CTNNA3: variants seen among roughly 807,000 people sequenced by gnomAD.
The protein encoded by CTNNA3 is catenin alpha-3.
CTNNA3 carries 76 observed loss-of-function variants against 95.7 expected under a neutral mutation model. That is an observed-to-expected ratio of 0.79 (90% CI 0.66 to 0.96). The LOEUF is 0.96. Ranked by LOEUF, CTNNA3 falls within the 40% of genes least tolerant of loss-of-function variation. CTNNA3 has a pLI of 0.00. For missense variants in CTNNA3, 1,191 were observed against 1,089.8 expected (o/e 1.09, Z -1.31); for synonymous variants, 431 against 374.4 (o/e 1.15, Z -1.74).
At chr10:67,536,807 A>AC (rs749489041) in intron 4 of CTNNA3, among the ~76,000 whole-genome samples, 6 of 151,992 alleles carry the variant, frequency 3.9e-5, no homozygotes, top group Non-Finnish European at 8.8e-5. Context: ...AAAAGAAACA[A>AC]CTTTTTTCCT....
chr10:66,377,219 C>G (rs79357282), intron 12 of CTNNA3, among the ~76,000 whole-genome samples: 1 of 151,924 alleles, frequency 6.6e-6, no homozygotes, highest in Non-Finnish European at 1.5e-5. Context: ...TATACCGTTA[C>G]GCTAATAATA....
At chr10:66,763,341 C>CAG (rs1554848276) in intron 9 of CTNNA3, among the ~76,000 whole-genome samples, 37 of 139,210 alleles carry the variant, frequency 2.7e-4, no homozygotes, top group African/African-American at 8.6e-4. Context: ...CACACACACA[C>CAG]AGAGAGAGAG....
chr10:66,164,018 A>G (rs985245988), intron 13 of CTNNA3, among the ~76,000 whole-genome samples: 3 of 152,216 alleles, frequency 2.0e-5, no homozygotes, highest in African/African-American at 7.2e-5. Flanking sequence ...GAGAAAGCAT[A>G]AAAATTATTT....
At chr10:66,807,544 T>C (rs1014335413) in intron 7 of CTNNA3, among the ~76,000 whole-genome samples, 1 of 152,080 alleles carries the variant, frequency 6.6e-6, no homozygotes, top group Admixed American at 6.6e-5. Flanking sequence ...TCCTCCTTGA[T>C]TGTGGTCATT....
intron 1 of CTNNA3, among the ~76,000 whole-genome samples, chr10:67,726,204 ATATAT>A (rs1267038595): frequency 5.1e-5 from 5 of 98,396 alleles, no homozygotes; most frequent in African/African-American, 1.7e-4. Context: ...ATAATATATC[ATATAT>A]TATACATAAT....
intron 12 of CTNNA3, among the ~76,000 whole-genome samples, chr10:66,363,069 T>C (rs946517909): frequency 6.6e-6 from 1 of 152,234 alleles, no homozygotes; most frequent in African/African-American, 2.4e-5. Flanking sequence ...TTGTATTCCT[T>C]AAGCATGTGT....
At chr10:66,367,421 C>T (rs1589148418) in intron 12 of CTNNA3, among the ~76,000 whole-genome samples, 1 of 151,368 alleles carries the variant, frequency 6.6e-6, no homozygotes, top group East Asian at 1.9e-4. Context: ...CAATCATTGA[C>T]ATGTTATATA....
intron 13 of CTNNA3, among the ~76,000 whole-genome samples, chr10:66,277,983 T>C (rs1366068440): frequency 6.6e-6 from 1 of 151,664 alleles, no homozygotes; most frequent in Admixed American, 6.6e-5. Flanking sequence ...ACCAATATAA[T>C]TTAATGTTTT....
chr10:66,207,460 A>G (rs2087835872), intron 13 of CTNNA3, among the ~76,000 whole-genome samples: 1 of 151,934 alleles, frequency 6.6e-6, no homozygotes. Flanking sequence ...TTTTTCACCC[A>G]TGTTTGAGAT....
intron 7 of CTNNA3, among the ~76,000 whole-genome samples, chr10:67,044,615 T>C (rs909968678): frequency 6.6e-6 from 1 of 152,186 alleles, no homozygotes; most frequent in Non-Finnish European, 1.5e-5. Flanking sequence ...CTTATTCTGA[T>C]TGACACAGCT....
intron 9 of CTNNA3, among the ~76,000 whole-genome samples, chr10:66,719,416 AT>A (rs2132630922): frequency 6.6e-6 from 1 of 152,296 alleles, no homozygotes; most frequent in Non-Finnish European, 1.5e-5. Flanking sequence ...TGTGTTCTAC[AT>A]TTTAGGAGCA....
chr10:66,186,399 T>C (rs1425744376), intron 13 of CTNNA3, among the ~76,000 whole-genome samples: 4 of 152,046 alleles, frequency 2.6e-5, no homozygotes, highest in Non-Finnish European at 1.5e-5. Context: ...ATGTCAGTGT[T>C]ATAATTTAAG....
chr10:67,036,884 G>GA (rs887552232), intron 7 of CTNNA3, among the ~76,000 whole-genome samples: 5 of 151,676 alleles, frequency 3.3e-5, no homozygotes, highest in South Asian at 2.1e-4. Context: ...TAAAAATTGT[G>GA]AAAAAAAATA....
At chr10:67,480,654 A>G (rs1848183064) in intron 5 of CTNNA3, among the ~76,000 whole-genome samples, 1 of 152,236 alleles carries the variant, frequency 6.6e-6, no homozygotes, top group South Asian at 2.1e-4. Context: ...CCTGTAAGGA[A>G]TGCTTTTAGC....
intron 3 of CTNNA3, among the ~76,000 whole-genome samples, chr10:67,562,848 G>A (rs1409174009): frequency 1.3e-5 from 2 of 152,014 alleles, no homozygotes; most frequent in African/African-American, 4.8e-5. Context: ...ACCAATAACA[G>A]ACAAACAGAG....
intron 13 of CTNNA3, among the ~76,000 whole-genome samples, chr10:66,268,943 C>T (rs1346698422): frequency 1.3e-5 from 2 of 152,118 alleles, no homozygotes; most frequent in African/African-American, 4.8e-5. Flanking sequence ...TTCAGGAAAA[C>T]AGGCTGGCAT....
intron 5 of CTNNA3, among the ~76,000 whole-genome samples, chr10:67,273,832 T>C (rs1037496696): frequency 6.6e-6 from 1 of 152,302 alleles, no homozygotes. Context: ...ACTGTGTGAT[T>C]CCATTAATGT....
At chr10:66,626,775 GA>G (rs1844949632) in intron 9 of CTNNA3, among the ~76,000 whole-genome samples, 1 of 152,068 alleles carries the variant, frequency 6.6e-6, no homozygotes, top group Non-Finnish European at 1.5e-5. Context: ...CTATTAAAAA[GA>G]AAAGTCCAAT....
At chr10:66,782,219 A>G (rs1050449637) in intron 7 of CTNNA3, among the ~76,000 whole-genome samples, 9 of 152,142 alleles carry the variant, frequency 5.9e-5, no homozygotes, top group Non-Finnish European at 7.4e-5. Flanking sequence ...TATAAGGAAT[A>G]AAAGGATAAA....
Sources: allele counts gnomAD v4.1 joint callset (sites outside exome capture counted in the v4.1 genomes callset), GRCh38; gene constraint gnomAD v4.1.1; transcripts MANE v1.5; gene names NCBI Gene and HGNC (gene_info 2026-07-23, HGNC 2026-07-21).